The following ACAP2 variants were observed in gnomAD, a reference collection of about 807,000 sequenced individuals.
The protein encoded by ACAP2 is ArfGAP with coiled-coil, ankyrin repeat and PH domains 2.
ACAP2 carries 39 observed loss-of-function variants against 115.8 expected under a neutral mutation model. The observed-to-expected ratio is 0.34, with a 90% CI of 0.26 to 0.44. ACAP2 has a LOEUF of 0.44. Ranked by LOEUF, ACAP2 falls within the 20% of genes least tolerant of loss-of-function variation. The probability of loss-of-function intolerance (pLI) is 1.00; values close to 1 mark genes in which losing one functional copy is unlikely to be tolerated. For missense variants in ACAP2, 662 were observed against 927.6 expected (o/e 0.71, Z 3.72); for synonymous variants, 289 against 315.8 (o/e 0.92, Z 0.90).
intron 18 of ACAP2, among the ~76,000 whole-genome samples, chr3:195,293,217 A>T (rs571368776): frequency 2.6e-5 from 4 of 152,320 alleles, no homozygotes; most frequent in South Asian, 4.1e-4. Context: ...GAATCCATAA[A>T]AACTTTTACT....
chr3:195,316,313 T>A (rs1431203333), intron 10 of ACAP2, among the ~76,000 whole-genome samples: 1 of 152,110 alleles, frequency 6.6e-6, no homozygotes. Context: ...TAAGTTTTCA[T>A]TTTCACTTTA....
At chr3:195,408,289 C>T (rs145597660) in intron 1 of ACAP2, among the ~76,000 whole-genome samples, 151 of 152,176 alleles carry the variant, frequency 9.9e-4, no homozygotes, top group African/African-American at 3.6e-3. Context: ...ACGGCGAAAC[C>T]CTGTCTCTAC....
At chr3:195,337,945 TCCCA>T (rs1730619514) in intron 6 of ACAP2, among the ~76,000 whole-genome samples, 1 of 151,554 alleles carries the variant, frequency 6.6e-6, no homozygotes, top group Non-Finnish European at 1.5e-5. Context: ...CCGGGGCCAC[TCCCA>T]CCTCAACCTG....
intron 22 of ACAP2, chr3:195,285,454 A>G (rs551672844): frequency 3.4e-5 from 7 of 208,306 alleles, no homozygotes; most frequent in Admixed American, 5.8e-5. Context: ...TGCTGTAAGT[A>G]TATGAAGAAT....
intron 8 of ACAP2, among the ~76,000 whole-genome samples, chr3:195,330,583 T>C (rs1730102983): frequency 1.3e-5 from 2 of 152,180 alleles, no homozygotes; most frequent in South Asian, 4.1e-4. Flanking sequence ...GGAAGGTCTC[T>C]CCTTACCCCC....
In ACAP2 at chr3:195,328,670, G is replaced by C. The variant is rs555028294; in HGVS notation, c.670-1711C>G. On this transcript the variant is annotated intron_variant, in intron 8 of 22. Coordinates refer to ENST00000326793, the MANE Select transcript of ACAP2 (RefSeq NM_012287.6). ...CATATGAATATTACTCATTCATTCA[G>C]ACTGAAATGCAGTACAAGGTAGCCC... is the stretch of plus-strand genomic sequence containing the variant. Among the ~76,000 whole-genome samples the C allele has an allele frequency of 2.2e-4, 33 of 152,292 alleles. No homozygotes were observed. The South Asian group carries it at 6.6e-3, about 31-fold the overall frequency.
chr3:195,362,055 G>A (rs955658069), intron 4 of ACAP2, among the ~76,000 whole-genome samples: 4 of 152,168 alleles, frequency 2.6e-5, no homozygotes, highest in Non-Finnish European at 5.9e-5. Flanking sequence ...GCTCACTCCT[G>A]TAATCCTAGC....
At chr3:195,423,704 G>A (rs147173026) in intron 1 of ACAP2, among the ~76,000 whole-genome samples, 1,920 of 150,630 alleles carry the variant, frequency 0.013, 29 homozygotes, top group African/African-American at 0.042. Context: ...CAACTCTGCC[G>A]TTGTAGCAAA....
chr3:195,295,178 C>T, intron 17 of ACAP2: 1 of 1,258,746 alleles, frequency 7.9e-7, no homozygotes. Context: ...TGGAATGCTC[C>T]ACAAGAGTAG....
At chr3:195,308,701 G>A (rs968518206) in intron 11 of ACAP2, 85 bp downstream of exon 11, 9 of 1,055,484 alleles carry the variant, frequency 8.5e-6, no homozygotes, top group African/African-American at 3.3e-5. Flanking sequence ...TTACACAAAT[G>A]AGTATGTATA....
intron 10 of ACAP2, among the ~76,000 whole-genome samples, chr3:195,313,142 T>C (rs1728870279): frequency 6.6e-6 from 1 of 152,220 alleles, no homozygotes; most frequent in South Asian, 2.1e-4. Context: ...TCTGTTGCAT[T>C]TTATTAACTT....
chr3:195,333,703 A>C (rs1437470580), intron 7 of ACAP2, among the ~76,000 whole-genome samples: 1 of 152,212 alleles, frequency 6.6e-6, no homozygotes. Flanking sequence ...TCCAATTTTC[A>C]ATAACTCTAC....
chr3:195,425,283 A>G (rs886982000), intron 1 of ACAP2, among the ~76,000 whole-genome samples: 5 of 152,158 alleles, frequency 3.3e-5, no homozygotes, highest in Non-Finnish European at 7.4e-5. Context: ...TAGTTACTAC[A>G]TTGTAAAAGG....
chr3:195,425,685 A>C (rs1261646084), intron 1 of ACAP2, among the ~76,000 whole-genome samples: 1 of 152,080 alleles, frequency 6.6e-6, no homozygotes, highest in Non-Finnish European at 1.5e-5. Flanking sequence ...ATAACTCTTG[A>C]CTTTTTTCCA....
At chr3:195,285,772 T>C (rs756347794) in intron 22 of ACAP2, 24 bp downstream of exon 22, 2 of 1,574,162 alleles carry the variant, frequency 1.3e-6, no homozygotes, top group Non-Finnish European at 1.7e-6. Flanking sequence ...TGCATTTCAG[T>C]ATGGTTATTA....
At chr3:195,281,266 G>A (rs977444248) in intron 22 of ACAP2, among the ~76,000 whole-genome samples, 5 of 152,202 alleles carry the variant, frequency 3.3e-5, no homozygotes, top group South Asian at 4.1e-4. Flanking sequence ...TTAGCCGGGC[G>A]TGGTGGTGGG....
intron 18 of ACAP2, 109 bp downstream of exon 18, chr3:195,294,602 AAAAAAATT>A (rs1727504919): frequency 2.8e-5 from 2 of 72,276 alleles, no homozygotes; most frequent in East Asian, 6.7e-4. Flanking sequence ...GAAAAAAAAA[AAAAAAATT>A]ATATATATAT....
At chr3:195,386,625 C>A (rs1365787858) in intron 2 of ACAP2, among the ~76,000 whole-genome samples, 1 of 151,962 alleles carries the variant, frequency 6.6e-6, no homozygotes, top group Non-Finnish European at 1.5e-5. Context: ...GGGAACATTA[C>A]ACAGCGGAGC....
At chr3:195,307,451 CAG>C (rs1186969025) in intron 11 of ACAP2, 128 bp from the exon 12 acceptor site, 32 of 608,668 alleles carry the variant, frequency 5.3e-5, no homozygotes, top group African/African-American at 2.2e-4. Context: ...ATTTTAGAAA[CAG>C]GGGTTATCAA....
Sources: allele counts gnomAD v4.1 joint callset (sites outside exome capture counted in the v4.1 genomes callset), GRCh38; gene constraint gnomAD v4.1.1; transcripts MANE v1.5; gene names NCBI Gene and HGNC (gene_info 2026-07-23, HGNC 2026-07-21).